HMBOX1: variants seen among roughly 807,000 people sequenced by gnomAD.
HMBOX1 encodes the protein homeobox-containing protein 1.
HMBOX1 carries 14 observed loss-of-function variants against 54.5 expected under a neutral mutation model. The ratio of observed to expected loss-of-function variants is 0.26; its 90% CI spans 0.17 to 0.40. The LOEUF is 0.40. Ranked by LOEUF, HMBOX1 falls within the 10% of genes least tolerant of loss-of-function variation. The pLI is 1.00. For missense variants in HMBOX1, 332 were observed against 514.4 expected (o/e 0.65, Z 3.43); for synonymous variants, 160 against 181.0 (o/e 0.88, Z 0.93).
At chr8:28,891,538 TC>T in intron 1 of HMBOX1, 1 of 152,322 alleles carries the variant, frequency 6.6e-6, no homozygotes, top group Admixed American at 6.5e-5. Flanking sequence ...TGCTGAAGAT[TC>T]GGGGGGCCTG....
intron 3 of HMBOX1, among the ~76,000 whole-genome samples, chr8:28,978,639 T>C (rs1828827230): frequency 6.6e-6 from 1 of 151,956 alleles, no homozygotes; most frequent in Non-Finnish European, 1.5e-5. Flanking sequence ...ATGCAAAAAT[T>C]AGCCGGGTGT....
intron 3 of HMBOX1, among the ~76,000 whole-genome samples, chr8:28,973,366 AG>A (rs1827768776): frequency 6.6e-6 from 1 of 152,198 alleles, no homozygotes; most frequent in Non-Finnish European, 1.5e-5. Context: ...TCATATCTGT[AG>A]ATTTTAATAA....
At chr8:28,911,059 G>T (rs984803259) in intron 1 of HMBOX1, among the ~76,000 whole-genome samples, 2 of 152,136 alleles carry the variant, frequency 1.3e-5, no homozygotes, top group Non-Finnish European at 2.9e-5. Context: ...TGGGGGAGTC[G>T]ATTTGCCACC....
At position 29,013,640 on chromosome 8, in the gene HMBOX1, G is replaced by A. The variant is rs79673281; in HGVS notation, c.697+4458G>A. 5.6e-3 allele frequency among the ~76,000 whole-genome samples: 846 copies of A among 152,206 alleles called. 3 individuals carry two copies. The highest frequency in any genetic ancestry group is 8.4e-3 in the Non-Finnish European group (572 of 68,018). ...ACCAGCATAAATGAAAGCCTGCCAA[G>A]GCATATTAATAAAATAGGCTGATGG... is the stretch of plus-strand genomic sequence containing the variant. On this transcript the variant is annotated intron_variant, in intron 5 of 9. Transcript: ENST00000287701.
chr8:28,951,690 CA>C (rs1223789254), intron 1 of HMBOX1, among the ~76,000 whole-genome samples: 1 of 151,994 alleles, frequency 6.6e-6, no homozygotes, highest in Non-Finnish European at 1.5e-5. Flanking sequence ...ATTTAATATA[CA>C]AAAAAATGAC....
At chr8:28,916,282 C>A (rs1816524198) in intron 1 of HMBOX1, among the ~76,000 whole-genome samples, 1 of 152,204 alleles carries the variant, frequency 6.6e-6, no homozygotes, top group African/African-American at 2.4e-5. Context: ...GCCTTCTGAT[C>A]ATCCATGATT....
Position 28,946,577 on chromosome 8 carries a change from A to T in HMBOX1, c.-57-17234A>T, listed in dbSNP as rs537889887. Reference sequence around the variant, plus strand: ...AGAGTGAGACTCCGTCTCAAAAAAAAAAAAATATATACAATTGTGTTTGAT... The same window carrying T: ...AGAGTGAGACTCCGTCTCAAAAAAATAAAAATATATACAATTGTGTTTGAT... On this transcript the variant is annotated intron_variant, in intron 1 of 9. Transcript: ENST00000287701. Among the ~76,000 whole-genome samples the T allele has an allele frequency of 5.8e-3, 867 of 149,612 alleles. 5 individuals are homozygous for T. The highest frequency in any genetic ancestry group is 7.0e-3 in the Admixed American group (106 of 15,138).
At chr8:29,028,230 C>A (rs981335833) in intron 6 of HMBOX1, among the ~76,000 whole-genome samples, 3 of 152,146 alleles carry the variant, frequency 2.0e-5, no homozygotes, top group Non-Finnish European at 4.4e-5. Flanking sequence ...AATAGCATCA[C>A]AACCACAATA....
intron 4 of HMBOX1, among the ~76,000 whole-genome samples, chr8:28,987,255 T>C (rs1253185414): frequency 6.6e-6 from 1 of 152,246 alleles, no homozygotes; most frequent in African/African-American, 2.4e-5. Flanking sequence ...TTCTCTCCAG[T>C]TCTTGTTTCC....
chr8:29,050,924 C>T lies in HMBOX1; in HGVS notation c.1126-94C>T, dbSNP rs1006889154. On this transcript the variant is annotated intron_variant, in intron 9 of 9. Transcript: ENST00000287701. The stretch of plus-strand genomic sequence containing the variant: ...GAGCCCCTCCCCCAGTTTCCTCCCA[C>T]GAATGTTCTGCCTCCCCTTGCCCCA... 5.1e-5 allele frequency: 66 copies of T among 1,289,202 alleles called. No individual in the cohort carries two copies. The East Asian group carries it at 7.5e-4, about 15-fold the overall frequency. The allele number at this position is 1,289,202 out of a possible 1,614,324, so 79.9% of individuals were successfully genotyped here.
At position 28,934,647 on chromosome 8, in the gene HMBOX1, C is replaced by T. The variant is rs112565215; in HGVS notation, c.-57-29164C>T. On this transcript the variant is annotated intron_variant, in intron 1 of 9. Transcript: ENST00000287701. ...CATGAAATAATATACAGAAATTGGC[C>T]GGGCGCGGTGGCTCACGCCTGTAAT... Among the ~76,000 whole-genome samples the T allele has an allele frequency of 3.9e-3, 588 of 151,998 alleles. 9 individuals are homozygous for T. The East Asian group carries it at 0.053, about 14-fold the overall frequency.
chr8:29,018,936 A>G, intron 6 of HMBOX1, 23 bp downstream of exon 6: 1 of 1,612,192 alleles, frequency 6.2e-7, no homozygotes, highest in Non-Finnish European at 8.5e-7. Flanking sequence ...TTTTTCTACG[A>G]ATGATCTCCC....
chr8:28,992,995 C>T (rs1275399061), intron 4 of HMBOX1, among the ~76,000 whole-genome samples: 1 of 150,564 alleles, frequency 6.6e-6, no homozygotes, highest in East Asian at 2.0e-4. Context: ...AAATTTTATG[C>T]ATTTATTAGC....
intron 4 of HMBOX1, among the ~76,000 whole-genome samples, chr8:29,001,424 C>T (rs1418289927): frequency 2.0e-5 from 3 of 152,108 alleles, no homozygotes; most frequent in Admixed American, 1.3e-4. Flanking sequence ...GTGGTGGGCA[C>T]CTGTAATCCC....
intron 1 of HMBOX1, among the ~76,000 whole-genome samples, chr8:28,951,712 G>A (rs1298054037): frequency 6.6e-6 from 1 of 152,184 alleles, no homozygotes; most frequent in East Asian, 1.9e-4. Context: ...GTGGTGAAGA[G>A]AGAAAGTACT....
At chr8:28,936,716 G>T (rs948414151) in intron 1 of HMBOX1, among the ~76,000 whole-genome samples, 4 of 150,022 alleles carry the variant, frequency 2.7e-5, no homozygotes, top group African/African-American at 4.9e-5. Context: ...AGGTTATAGA[G>T]ATTCATCCAT....
At chr8:28,966,853 G>A (rs934820746) in intron 2 of HMBOX1, among the ~76,000 whole-genome samples, 9 of 152,150 alleles carry the variant, frequency 5.9e-5, no homozygotes, top group Non-Finnish European at 1.2e-4. Context: ...TTTGCATTAG[G>A]AAACTCTCAG....
chr8:28,987,211 G>A (rs1397484492), intron 4 of HMBOX1, among the ~76,000 whole-genome samples: 2 of 152,056 alleles, frequency 1.3e-5, no homozygotes, highest in Non-Finnish European at 1.5e-5. Flanking sequence ...GCACAGATGT[G>A]GTTTTTCCCT....
intron 6 of HMBOX1, among the ~76,000 whole-genome samples, chr8:29,019,249 A>G (rs1380868920): frequency 6.6e-6 from 1 of 152,216 alleles, no homozygotes; most frequent in Non-Finnish European, 1.5e-5. Flanking sequence ...AAAATAATGA[A>G]TAATTGTATA....
Sources: allele counts gnomAD v4.1 joint callset (sites outside exome capture counted in the v4.1 genomes callset), GRCh38; gene constraint gnomAD v4.1.1; transcripts MANE v1.5; gene names NCBI Gene and HGNC (gene_info 2026-07-23, HGNC 2026-07-21).